Variants in MAP2K5 observed in about 807,000 individuals in gnomAD.
MAP2K5 encodes the protein mitogen-activated protein kinase kinase 5, also known as dual specificity mitogen-activated protein kinase kinase 5.
MAP2K5 carries 49 observed loss-of-function variants against 83.1 expected under a neutral mutation model. That is an observed-to-expected ratio of 0.59 (90% CI 0.47 to 0.75). The LOEUF is 0.75. Ranked by LOEUF, MAP2K5 falls within the 30% of genes least tolerant of loss-of-function variation. MAP2K5 has a pLI of 0.00. For synonymous variants in MAP2K5, 202 were observed against 191.8 expected, an observed-to-expected ratio of 1.05 and a Z score of -0.44; for missense variants, 457 against 557.5, an observed-to-expected ratio of 0.82 and a Z score of 1.82.
chr15:67,601,207 C>G (rs747685266), intron 8 of MAP2K5, among the ~76,000 whole-genome samples: 10 of 152,158 alleles, frequency 6.6e-5, no homozygotes, highest in Non-Finnish European at 1.3e-4. Flanking sequence ...ATTTTCTTCT[C>G]TCCTCACCCT....
chr15:67,702,345 T>C lies in MAP2K5; in HGVS notation c.973-992T>C, dbSNP rs1367170903. 6.6e-6 allele frequency among the ~76,000 whole-genome samples: 1 copy of C among 152,224 alleles called. No individual in the cohort carries two copies. The highest frequency in any genetic ancestry group is 1.9e-4 in the East Asian group (1 of 5,202). On this transcript the variant is annotated intron_variant, in intron 15 of 21. Coordinates refer to ENST00000178640, the MANE Select transcript of MAP2K5 (RefSeq NM_145160.3). This position sits in a 1 kb window ranked among gnomAD's most constrained non-coding sequence, Gnocchi z 4.6. ...GCACACATAATTGTGTTGTTGATGA[T>C]AGTAATGATGGTGACAATAATGTTA... is the stretch of plus-strand genomic sequence containing the variant.
chr15:67,616,651 T>G (rs568083999), intron 8 of MAP2K5, among the ~76,000 whole-genome samples: 2 of 152,352 alleles, frequency 1.3e-5, no homozygotes, highest in Admixed American at 1.3e-4. Flanking sequence ...TTATTTATTT[T>G]AAAATAGCCT....
intron 8 of MAP2K5, among the ~76,000 whole-genome samples, chr15:67,621,804 G>A (rs1168688706): frequency 6.6e-6 from 1 of 152,212 alleles, no homozygotes. Flanking sequence ...AAAAACGAAA[G>A]TGTGTGTTTT....
chr15:67,586,020 C>A, intron 5 of MAP2K5, 90 bp downstream of exon 5: 1 of 1,182,530 alleles, frequency 8.5e-7, no homozygotes, highest in Non-Finnish European at 1.3e-6. Context: ...ACTGCACTTT[C>A]TCAAGCTCTG....
rs2089702668 is a variant in MAP2K5 at position 67,750,855 on chromosome 15, A to G, written c.1134+2254A>G. Among the ~76,000 whole-genome samples the G allele has an allele frequency of 6.6e-6, 1 of 152,006 alleles. No individual in the cohort carries two copies. The highest frequency in any genetic ancestry group is 2.4e-5 in the African/African-American group (1 of 41,376). ...GGGAGTGGGATTTACCCCGTTGTGA[A>G]GTGGGTATCTGTTGCTAGTATATAC... On this transcript the variant is annotated intron_variant, in intron 19 of 21. Transcript: ENST00000178640. The surrounding 1 kb of genome is among the most constrained non-coding windows in gnomAD (Gnocchi z 4.2).
At chr15:67,799,163 C>T (rs945756805) in intron 21 of MAP2K5, among the ~76,000 whole-genome samples, 14 of 152,104 alleles carry the variant, frequency 9.2e-5, no homozygotes, top group African/African-American at 2.7e-4. Context: ...AGCGAGACTC[C>T]GTCTCAAAAT....
At position 67,567,738 on chromosome 15, in the gene MAP2K5, C is replaced by T. The variant is rs181444357; in HGVS notation, c.252+4388C>T. ...ACACACAACCTACATATTCTGAAAA[C>T]TAAATACCTGATCATTGCTAATTAA... On this transcript the variant is annotated intron_variant, in intron 3 of 21. Transcript: ENST00000178640. Among the ~76,000 whole-genome samples, 345 of 152,308 alleles carry T rather than the reference C, an allele frequency of 2.3e-3. 8 individuals are homozygous for T. Among genetic ancestry groups the T allele is most frequent in the Admixed American group, 0.022 (334 of 15,296 alleles).
At chr15:67,546,280 A>C (rs1259606306) in intron 1 of MAP2K5, 1 of 152,256 alleles carries the variant, frequency 6.6e-6, no homozygotes, top group East Asian at 1.9e-4. Context: ...ACCTGGAAGA[A>C]TCCCCTCATC....
chr15:67,720,375 C>G lies in MAP2K5; in HGVS notation c.1045-7541C>G, dbSNP rs1361960329. 6.6e-6 allele frequency among the ~76,000 whole-genome samples: 1 copy of G among 151,250 alleles called. No homozygotes were observed. Among genetic ancestry groups the G allele is most frequent in the Admixed American group, 6.6e-5 (1 of 15,222 alleles). On this transcript the variant is annotated intron_variant, in intron 16 of 21. Transcript: ENST00000178640. This position sits in a 1 kb window ranked among gnomAD's most constrained non-coding sequence, Gnocchi z 5.7. The stretch of plus-strand genomic sequence containing the variant: ...ATATATATACACACTTACACACACA[C>G]AAGGAAAAAAAGAAAATGATGTAAG...
intron 4 of MAP2K5, among the ~76,000 whole-genome samples, chr15:67,585,262 C>A (rs1439959306): frequency 2.0e-5 from 3 of 152,090 alleles, no homozygotes; most frequent in African/African-American, 7.2e-5. Flanking sequence ...AAAGTACTAA[C>A]CTGTAACTCA....
chr15:67,707,194 C>T (rs62016226), intron 16 of MAP2K5, among the ~76,000 whole-genome samples: 140 of 152,274 alleles, frequency 9.2e-4, no homozygotes, highest in Non-Finnish European at 9.8e-4. Context: ...GGATTACAGG[C>T]GTGAGCCACC....
intron 13 of MAP2K5, among the ~76,000 whole-genome samples, chr15:67,666,504 C>T (rs1461251064): frequency 1.3e-5 from 2 of 152,146 alleles, no homozygotes; most frequent in Non-Finnish European, 1.5e-5. Flanking sequence ...CAGATTCTCA[C>T]TATAAACCAC....
chr15:67,806,528 T>TA, intron 21 of MAP2K5, 118 bp from the exon 22 acceptor site: 3 of 867,428 alleles, frequency 3.5e-6, no homozygotes, highest in Non-Finnish European at 5.2e-6. Context: ...CCTCCCTCGT[T>TA]ACCTCACAGG....
intron 14 of MAP2K5, among the ~76,000 whole-genome samples, chr15:67,693,066 G>A (rs969465890): frequency 6.6e-6 from 1 of 152,174 alleles, no homozygotes; most frequent in Non-Finnish European, 1.5e-5. Context: ...CAAACACGAA[G>A]ACCAAAGCGA....
intron 16 of MAP2K5, among the ~76,000 whole-genome samples, chr15:67,715,749 C>G (rs1309300712): frequency 6.6e-6 from 1 of 152,158 alleles, no homozygotes; most frequent in African/African-American, 2.4e-5. Flanking sequence ...AAGCAGCAAG[C>G]TGATCTTTTA....
intron 21 of MAP2K5, among the ~76,000 whole-genome samples, chr15:67,799,246 C>G (rs1462795275): frequency 6.6e-6 from 1 of 152,266 alleles, no homozygotes; most frequent in African/African-American, 2.4e-5. Flanking sequence ...GTGTGGAAAA[C>G]TCTGCATTCG....
At chr15:67,647,158 A>G (rs535263395) in intron 11 of MAP2K5, among the ~76,000 whole-genome samples, 3 of 152,202 alleles carry the variant, frequency 2.0e-5, no homozygotes, top group South Asian at 2.1e-4. Flanking sequence ...AACTTAAGAA[A>G]ATATTGTTAG....
chr15:67,643,946 A>G (rs1338469463), intron 9 of MAP2K5, among the ~76,000 whole-genome samples: 1 of 152,242 alleles, frequency 6.6e-6, no homozygotes, highest in East Asian at 1.9e-4. Flanking sequence ...CAGTTGTAAT[A>G]CAAAATGTAA....
chr15:67,551,092 A>G (rs965761771), intron 2 of MAP2K5, among the ~76,000 whole-genome samples: 1 of 152,208 alleles, frequency 6.6e-6, no homozygotes, highest in African/African-American at 2.4e-5. Flanking sequence ...TTCTTAATGT[A>G]GAAAAATTTC....
Sources: allele counts gnomAD v4.1 joint callset (sites outside exome capture counted in the v4.1 genomes callset), GRCh38; gene constraint gnomAD v4.1.1; non-coding constraint Gnocchi (gnomAD v3.1); transcripts MANE v1.5; gene names NCBI Gene and HGNC (gene_info 2026-07-23, HGNC 2026-07-21).